Variants in FAM117A observed in about 807,000 individuals in gnomAD.
The protein encoded by FAM117A is protein FAM117A.
Under a neutral mutation model 44.1 loss-of-function variants are expected in FAM117A, and 21 were observed. The ratio of observed to expected loss-of-function variants is 0.48; its 90% CI spans 0.34 to 0.69. The LOEUF is 0.69. Ranked by LOEUF, FAM117A falls within the 30% of genes least tolerant of loss-of-function variation. The pLI, the probability that FAM117A is intolerant of heterozygous loss-of-function variation, is 0.01. For missense variants in FAM117A, 498 were observed against 589.9 expected, an observed-to-expected ratio of 0.84 and a Z score of 1.61; for synonymous variants, 220 against 238.3, an observed-to-expected ratio of 0.92 and a Z score of 0.71.
At chr17:49,759,895 C>T (rs1451730097) in intron 1 of FAM117A, among the ~76,000 whole-genome samples, 4 of 152,190 alleles carry the variant, frequency 2.6e-5, no homozygotes, top group Non-Finnish European at 5.9e-5. Context: ...CTACTGCCAG[C>T]TCTTCATAAT....
intron 1 of FAM117A, among the ~76,000 whole-genome samples, chr17:49,780,730 C>T (rs2073787188): frequency 6.6e-6 from 1 of 152,060 alleles, no homozygotes; most frequent in Admixed American, 6.6e-5. Flanking sequence ...CACCCTTTTT[C>T]AGTAGTATGT....
chr17:49,789,027 G>C, upstream of FAM117A: 1 of 486,938 alleles, frequency 2.1e-6, no homozygotes, highest in Non-Finnish European at 3.6e-6. Flanking sequence ...CCCTGGCCTC[G>C]GCCTATGCTT....
At chr17:49,741,369 C>A (rs1328232021) in intron 1 of FAM117A, among the ~76,000 whole-genome samples, 2 of 152,160 alleles carry the variant, frequency 1.3e-5, no homozygotes, top group African/African-American at 2.4e-5. Context: ...GAAGAAAATG[C>A]AGATAAACAA....
At chr17:49,787,821 C>T (rs1021055421) in intron 1 of FAM117A, among the ~76,000 whole-genome samples, 7 of 152,198 alleles carry the variant, frequency 4.6e-5, no homozygotes, top group African/African-American at 1.2e-4. Context: ...TTGGGGGCTT[C>T]AACTTCACTA....
intron 1 of FAM117A, among the ~76,000 whole-genome samples, chr17:49,748,363 C>A (rs1487448665): frequency 6.6e-6 from 1 of 152,190 alleles, no homozygotes; most frequent in Admixed American, 6.5e-5. Context: ...CTCCAACACA[C>A]ACCTCTAAGC....
At chr17:49,718,594 C>T (rs1472549197) in intron 5 of FAM117A, among the ~76,000 whole-genome samples, 1 of 152,074 alleles carries the variant, frequency 6.6e-6, no homozygotes. Flanking sequence ...TGGCGTGAAC[C>T]CAGGAGGCGG....
rs906882173 is a variant in FAM117A at position 49,784,053 on chromosome 17, T to C, written c.-621+4444A>G. Among the ~76,000 whole-genome samples, 45 of 152,226 alleles carry C rather than the reference T, an allele frequency of 3.0e-4. 1 individual carries two copies. Among genetic ancestry groups the C allele is most frequent in the Non-Finnish European group, 2.9e-5 (2 of 68,034 alleles). On this transcript the variant is annotated intron_variant, in intron 1 of 7. Coordinates refer to the FAM117A transcript ENST00000513602. ...CAGTCAGCAAGGGAGAAGCTGGAGA[T>C]GCTGTGGCCATCCAGGCAAGGCTCC...
intron 1 of FAM117A, among the ~76,000 whole-genome samples, chr17:49,778,476 T>A (rs1048343706): frequency 6.6e-6 from 1 of 152,250 alleles, no homozygotes; most frequent in African/African-American, 2.4e-5. Context: ...TCAGCCTCTA[T>A]CTTTTCACAA....
chr17:49,788,478 CACAA>C (rs1165157078), intron 1 of FAM117A: 7 of 273,314 alleles, frequency 2.6e-5, no homozygotes, highest in African/African-American at 4.4e-5. Flanking sequence ...TACCCACGCC[CACAA>C]ACAGAGCCAC....
upstream of FAM117A, chr17:49,788,714 A>C (rs16948371): frequency 1.8e-6 from 2 of 1,104,266 alleles, no homozygotes; most frequent in Non-Finnish European, 2.5e-6. Flanking sequence ...GGCAGGAGGC[A>C]CTAGGGATCG....
intron 1 of FAM117A, among the ~76,000 whole-genome samples, chr17:49,758,002 G>A (rs1208543515): frequency 6.6e-6 from 1 of 152,200 alleles, no homozygotes. Context: ...TGAACTGGGA[G>A]CGACACCCAA....
rs539966565 is a variant in FAM117A at position 49,717,830 on chromosome 17, C to A, written c.709-116G>T. ...TCATTCTCTATCCATGACACACAACCACAGAACACCATTTCCTCCAGCGAT... is the reference window on the plus strand; with the variant it reads ...TCATTCTCTATCCATGACACACAACAACAGAACACCATTTCCTCCAGCGAT... On this transcript the variant is annotated intron_variant, in intron 5 of 7. Transcript: ENST00000240364. 5.1e-6 allele frequency: 4 copies of A among 781,182 alleles called. No individual in the cohort carries two copies. In the Admixed American group the frequency reaches 1.2e-4, roughly 24 times the overall value. The allele number at this position is 781,182 out of a possible 1,614,324, so 48.4% of individuals were successfully genotyped here.
In FAM117A at chr17:49,711,397, G is replaced by A. The variant is rs150668165; in HGVS notation, c.1220C>T (p.Ser407Phe). 9.0e-5 allele frequency: 145 copies of A among 1,612,838 alleles called. No homozygotes were observed. Among genetic ancestry groups the A allele is most frequent in the Middle Eastern group, 3.3e-4 (2 of 6,082 alleles). ...CCTGGGGCTGGCCGGGGGAAGGGGA[G>A]ATCCCGGGTTTGAGGGGCAGTTACG... ...IFRNCPSNPGSPLPPASPRPP... is the reference protein window; with the variant it reads ...IFRNCPSNPGFPLPPASPRPP... Residue 407 changes from serine (S) to phenylalanine (F), a missense_variant, in exon 8 of 8, where the codon TCT becomes TTT. Ser to Phe is a radical substitution (Grantham distance 155, BLOSUM62 -2). Coordinates refer to ENST00000240364, the MANE Select transcript of FAM117A (RefSeq NM_030802.4).
intron 2 of FAM117A, among the ~76,000 whole-genome samples, chr17:49,729,145 C>T (rs2073573555): frequency 6.6e-6 from 1 of 152,246 alleles, no homozygotes; most frequent in Admixed American, 6.5e-5. Flanking sequence ...GCATGCCCGG[C>T]TATCTAGACA....
At chr17:49,725,686 T>G (rs1349544120) in intron 2 of FAM117A, among the ~76,000 whole-genome samples, 1 of 152,224 alleles carries the variant, frequency 6.6e-6, no homozygotes, top group East Asian at 1.9e-4. Flanking sequence ...CCAGTGTGGC[T>G]GGAGCAGAGT....
At chr17:49,777,261 C>T (rs1046986231) in intron 1 of FAM117A, among the ~76,000 whole-genome samples, 1 of 152,292 alleles carries the variant, frequency 6.6e-6, no homozygotes, top group Non-Finnish European at 1.5e-5. Flanking sequence ...GATTAATAGG[C>T]TGCTGGAAGG....
At chr17:49,770,106 C>G (rs902243876) in intron 1 of FAM117A, among the ~76,000 whole-genome samples, 5 of 151,824 alleles carry the variant, frequency 3.3e-5, no homozygotes, top group Non-Finnish European at 5.9e-5. Flanking sequence ...CCTGTCTCTA[C>G]TAAAAATACA....
upstream of FAM117A, chr17:49,788,624 G>A (rs2073837369): frequency 2.0e-6 from 1 of 497,240 alleles, no homozygotes; most frequent in East Asian, 3.5e-5. Flanking sequence ...GTAACGTCAG[G>A]TGACGCGAGA....
At chr17:49,770,731 C>T (rs1298763463) in intron 1 of FAM117A, among the ~76,000 whole-genome samples, 1 of 151,864 alleles carries the variant, frequency 6.6e-6, no homozygotes, top group African/African-American at 2.4e-5. Context: ...TGGTGAAACC[C>T]TGTCTCTACA....
Sources: allele counts gnomAD v4.1 joint callset (sites outside exome capture counted in the v4.1 genomes callset), GRCh38; gene constraint gnomAD v4.1.1; transcripts MANE v1.5; gene names NCBI Gene and HGNC (gene_info 2026-07-23, HGNC 2026-07-21).